Variants in KIF26B observed in about 807,000 individuals in gnomAD.
The protein encoded by KIF26B is kinesin family member 26B, also known as kinesin-like protein KIF26B.
Under a neutral mutation model 151.2 loss-of-function variants are expected in KIF26B, and 63 were observed. That is an observed-to-expected ratio of 0.42 (90% CI 0.34 to 0.51). KIF26B has a LOEUF of 0.51. Among genes scored for constraint, KIF26B ranks in the 20% least tolerant of loss-of-function variants. The pLI is 0.07. For missense variants in KIF26B, 2,813 were observed against 2,913.6 expected, an observed-to-expected ratio of 0.97 and a Z score of 0.79; for synonymous variants, 1,357 against 1,262.1, an observed-to-expected ratio of 1.08 and a Z score of -1.59.
chr1:245,649,689 C>G (rs1007823231), intron 10 of KIF26B, among the ~76,000 whole-genome samples: 5 of 152,002 alleles, frequency 3.3e-5, no homozygotes, highest in Admixed American at 1.3e-4. Flanking sequence ...CCCACCCCCC[C>G]CAAAAAACAC....
chr1:245,532,245 TTTC>T (rs1270290575), intron 4 of KIF26B, among the ~76,000 whole-genome samples: 139 of 81,062 alleles, frequency 1.7e-3, no homozygotes, highest in Non-Finnish European at 3.8e-3. Flanking sequence ...TTTCTTTTCT[TTTC>T]TTTTTTTTTT....
chr1:245,214,461 C>G (rs1669603144), intron 2 of KIF26B, among the ~76,000 whole-genome samples: 1 of 152,196 alleles, frequency 6.6e-6, no homozygotes, highest in Non-Finnish European at 1.5e-5. Flanking sequence ...TATCCACAAT[C>G]TGGCCTAATA....
chr1:245,172,074 C>T (rs1193294854), intron 2 of KIF26B, among the ~76,000 whole-genome samples: 1 of 62,644 alleles, frequency 1.6e-5, no homozygotes, highest in African/African-American at 3.9e-5. Flanking sequence ...TTTCCTTATC[C>T]ATCCACCTGT....
chr1:245,317,947 G>T (rs1345206035), intron 2 of KIF26B, among the ~76,000 whole-genome samples: 1 of 152,122 alleles, frequency 6.6e-6, no homozygotes, highest in African/African-American at 2.4e-5. Context: ...AAAATATGGG[G>T]CACGCATGGG....
At chr1:245,305,574 T>G (rs1671520107) in intron 2 of KIF26B, among the ~76,000 whole-genome samples, 1 of 152,012 alleles carries the variant, frequency 6.6e-6, no homozygotes, top group Non-Finnish European at 1.5e-5. Flanking sequence ...ATGGCTAGAA[T>G]AAAAAAGATA....
At position 245,560,708 on chromosome 1, in the gene KIF26B, C is replaced by A. The variant is rs570807935; in HGVS notation, c.1350+19758C>A. Among the ~76,000 whole-genome samples the A allele has an allele frequency of 1.1e-4, 17 of 152,268 alleles. No individual in the cohort carries two copies. The South Asian group carries it at 3.1e-3, about 28-fold the overall frequency. ...TCTCTCCCCTCTCACGGAAGCCTGA[C>A]ATGTAAATCTCAAGTTGTTAAACCT... On this transcript the variant is annotated intron_variant, in intron 5 of 14. Transcript: ENST00000407071. The surrounding 1 kb of genome is among the most constrained non-coding windows in gnomAD (Gnocchi z 4.3).
intron 2 of KIF26B, among the ~76,000 whole-genome samples, chr1:245,168,590 C>T (rs866844775): frequency 6.6e-6 from 1 of 152,176 alleles, no homozygotes; most frequent in South Asian, 2.1e-4. Flanking sequence ...TTAGAAATAA[C>T]ATACGAAGAG....
chr1:245,675,451 C>T (rs879578465), intron 10 of KIF26B, among the ~76,000 whole-genome samples: 3 of 152,130 alleles, frequency 2.0e-5, no homozygotes, highest in Non-Finnish European at 4.4e-5. Flanking sequence ...TGTGGCCAAC[C>T]CTCACCATAA....
chr1:245,449,659 A>C (rs746698096), intron 4 of KIF26B, among the ~76,000 whole-genome samples: 1 of 152,216 alleles, frequency 6.6e-6, no homozygotes, highest in Non-Finnish European at 1.5e-5. Context: ...TACATTTGAC[A>C]AAACGGGAGA....
intron 10 of KIF26B, among the ~76,000 whole-genome samples, chr1:245,678,818 A>G (rs536450635): frequency 1.3e-4 from 20 of 151,840 alleles, no homozygotes; most frequent in Admixed American, 1.1e-3. Flanking sequence ...AGCTGAGATC[A>G]CACTACTGCA....
At chr1:245,395,260 G>A (rs534874197) in intron 3 of KIF26B, among the ~76,000 whole-genome samples, 49 of 152,290 alleles carry the variant, frequency 3.2e-4, no homozygotes, top group Admixed American at 5.9e-4. Context: ...GGCTTTCCAG[G>A]ATGGATATTA....
At chr1:245,225,492 C>A (rs918379218) in intron 2 of KIF26B, among the ~76,000 whole-genome samples, 1 of 152,216 alleles carries the variant, frequency 6.6e-6, no homozygotes, top group South Asian at 2.1e-4. Flanking sequence ...ATGCTTACAC[C>A]GGCCGTGTCA....
Position 245,407,365 on chromosome 1 carries a change from A to G in KIF26B, c.1000-12214A>G, listed in dbSNP as rs183287035. ...TGTGGCTGTCGCATCTCACACTCAAACTGACTGAGATGAACAATTACTGGT... is the reference window on the plus strand; with the variant it reads ...TGTGGCTGTCGCATCTCACACTCAAGCTGACTGAGATGAACAATTACTGGT... On this transcript the variant is annotated intron_variant, in intron 3 of 14. Coordinates refer to ENST00000407071, the MANE Select transcript of KIF26B (RefSeq NM_018012.4). 1.6e-4 allele frequency among the ~76,000 whole-genome samples: 24 copies of G among 152,088 alleles called. No homozygotes were observed. The East Asian group carries it at 4.6e-3, about 29-fold the overall frequency.
chr1:245,606,888 C>A lies in KIF26B; in HGVS notation c.1558-763C>A, dbSNP rs2043460644. Among the ~76,000 whole-genome samples the A allele has an allele frequency of 6.6e-6, 1 of 151,736 alleles. No homozygotes were observed. Among genetic ancestry groups the A allele is most frequent in the Non-Finnish European group, 1.5e-5 (1 of 67,926 alleles). On this transcript the variant is annotated intron_variant, in intron 6 of 14. Transcript: ENST00000407071. This position sits in a 1 kb window ranked among gnomAD's most constrained non-coding sequence, Gnocchi z 4.6. ...GACCAGCCTGACCAACGTGGTGAAA[C>A]CCCCTCTCTACTAAAAAAATGCAAA...
chr1:245,544,502 C>A (rs1361482756), intron 5 of KIF26B, among the ~76,000 whole-genome samples: 1 of 152,152 alleles, frequency 6.6e-6, no homozygotes, highest in Non-Finnish European at 1.5e-5. Flanking sequence ...TCCATAGGAA[C>A]AGATTTCATG....
In KIF26B at chr1:245,495,506, TTTC is replaced by T. The variant is rs1660495068; in HGVS notation, c.1167-45256_1167-45254del. On this transcript the variant is annotated intron_variant, in intron 4 of 14. Coordinates refer to ENST00000407071, the MANE Select transcript of KIF26B (RefSeq NM_018012.4). The surrounding 1 kb of genome is among the most constrained non-coding windows in gnomAD (Gnocchi z 4.2). Reference sequence around the variant, plus strand: ...TTTGTGTTGTGGACATTGAAAATCTTTTCTTCTAGCTTTTTGAAAACATACAAT... The same window carrying T: ...TTTGTGTTGTGGACATTGAAAATCTTTTCTAGCTTTTTGAAAACATACAAT... 6.6e-6 allele frequency among the ~76,000 whole-genome samples: 1 copy of T among 152,216 alleles called. No individual in the cohort carries two copies. The highest frequency in any genetic ancestry group is 2.4e-5 in the African/African-American group (1 of 41,468).
chr1:245,165,261 G>T (rs1354901007), intron 2 of KIF26B, among the ~76,000 whole-genome samples: 1 of 152,166 alleles, frequency 6.6e-6, no homozygotes, highest in African/African-American at 2.4e-5. Context: ...AACCCGCCAT[G>T]GGGAGCTGCT....
intron 5 of KIF26B, among the ~76,000 whole-genome samples, chr1:245,588,117 CATT>C (rs2043246631): frequency 6.6e-6 from 1 of 152,146 alleles, no homozygotes; most frequent in Non-Finnish European, 1.5e-5. Flanking sequence ...AGGGGATTAT[CATT>C]GTTGGAATAC....
chr1:245,181,560 C>T (rs1342391162), intron 2 of KIF26B, among the ~76,000 whole-genome samples: 1 of 151,326 alleles, frequency 6.6e-6, no homozygotes, highest in African/African-American at 2.4e-5. Flanking sequence ...TATATTATAG[C>T]CCAGGCAAAA....
Sources: allele counts gnomAD v4.1 joint callset (sites outside exome capture counted in the v4.1 genomes callset), GRCh38; gene constraint gnomAD v4.1.1; non-coding constraint Gnocchi (gnomAD v3.1); transcripts MANE v1.5; gene names NCBI Gene and HGNC (gene_info 2026-07-23, HGNC 2026-07-21).